The following IGF1R variants were observed in gnomAD, a reference collection of about 807,000 sequenced individuals.
IGF1R encodes insulin-like growth factor 1 receptor.
A neutral mutation model predicts 144.6 loss-of-function variants in IGF1R; 44 were observed. That is an observed-to-expected ratio of 0.30 (90% CI 0.24 to 0.39). The LOEUF (loss-of-function observed/expected upper bound fraction) is 0.39, where lower values mean the gene tolerates loss of function less well. Ranked by LOEUF, IGF1R falls within the 10% of genes least tolerant of loss-of-function variation. IGF1R has a pLI of 1.00. For missense variants in IGF1R, 1,355 were observed against 1,833.7 expected (o/e 0.74, Z 4.77); for synonymous variants, 795 against 722.8 (o/e 1.10, Z -1.60).
At chr15:98,767,774 T>C (rs1256650405) in intron 2 of IGF1R, among the ~76,000 whole-genome samples, 1 of 152,190 alleles carries the variant, frequency 6.6e-6, no homozygotes, top group Non-Finnish European at 1.5e-5. Context: ...GTGGGTATGG[T>C]GTCCCTGGCA....
At chr15:98,733,488 G>GC (rs2054541496) in intron 2 of IGF1R, among the ~76,000 whole-genome samples, 1 of 147,998 alleles carries the variant, frequency 6.8e-6, no homozygotes, top group Admixed American at 6.7e-5. Context: ...GGCTGAGAAG[G>GC]TTTTTTTTTT....
At chr15:98,753,224 T>G (rs1437678630) in intron 2 of IGF1R, among the ~76,000 whole-genome samples, 1 of 125,616 alleles carries the variant, frequency 8.0e-6, no homozygotes, top group African/African-American at 2.8e-5. Flanking sequence ...AGCCATTACG[T>G]CCAGCCTTTT....
chr15:98,923,734 T>TG (rs1371941549), intron 11 of IGF1R, 142 bp from the exon 12 acceptor site: 14 of 714,216 alleles, frequency 2.0e-5, no homozygotes, highest in Admixed American at 4.0e-5. Context: ...CCCGCGTGGA[T>TG]GGGGGCGTTA....
rs141625442 is a variant in IGF1R at position 98,891,276 on chromosome 15, G to A, written c.641-49G>A. On this transcript the variant is annotated intron_variant, in intron 2 of 20. Coordinates refer to ENST00000650285, the MANE Select transcript of IGF1R (RefSeq NM_000875.5). This position sits in a 1 kb window ranked among gnomAD's most constrained non-coding sequence, Gnocchi z 4.7. The stretch of plus-strand genomic sequence containing the variant: ...GATGCTGGCCAGGCCCAGAGAAGGC[G>A]GTGCCTCCCCTGCCCGGTCTCATCT... 4.1e-3 allele frequency: 6,441 copies of A among 1,561,324 alleles called. 20 individuals are homozygous for A. Among genetic ancestry groups the A allele is most frequent in the Non-Finnish European group, 5.0e-3 (5,709 of 1,147,784 alleles).
At chr15:98,915,169 T>A (rs895368128) in intron 8 of IGF1R, among the ~76,000 whole-genome samples, 2 of 152,240 alleles carry the variant, frequency 1.3e-5, no homozygotes, top group African/African-American at 4.8e-5. Context: ...TCAGTGGTTC[T>A]GGGATGCATT....
chr15:98,819,007 T>C (rs1297506136), intron 2 of IGF1R, among the ~76,000 whole-genome samples: 1 of 152,096 alleles, frequency 6.6e-6, no homozygotes, highest in African/African-American at 2.4e-5. Context: ...ATTCCTGAGC[T>C]GCAAAGGAGT....
intron 2 of IGF1R, among the ~76,000 whole-genome samples, chr15:98,871,273 G>A (rs948272725): frequency 6.6e-6 from 1 of 152,208 alleles, no homozygotes; most frequent in East Asian, 1.9e-4. Flanking sequence ...GCAGAACCTT[G>A]TTGAATAGAA....
chr15:98,923,110 C>G (rs1000547585), intron 11 of IGF1R, among the ~76,000 whole-genome samples: 4 of 152,226 alleles, frequency 2.6e-5, no homozygotes, highest in African/African-American at 9.6e-5. Context: ...GGCTCCCTGC[C>G]TCAGTTTCCT....
intron 1 of IGF1R, among the ~76,000 whole-genome samples, chr15:98,652,319 T>G (rs1404879706): frequency 1.3e-5 from 2 of 152,222 alleles, no homozygotes; most frequent in African/African-American, 4.8e-5. Context: ...CTTAAAAGGA[T>G]TCAGTCATCT....
At chr15:98,710,962 G>C (rs1223632961) in intron 2 of IGF1R, among the ~76,000 whole-genome samples, 4 of 152,164 alleles carry the variant, frequency 2.6e-5, no homozygotes, top group Non-Finnish European at 4.4e-5. Flanking sequence ...GAGCCACCAT[G>C]CCCGACTCTT....
chr15:98,837,216 C>T, intron 2 of IGF1R, among the ~76,000 whole-genome samples: 1 of 152,118 alleles, frequency 6.6e-6, no homozygotes, highest in East Asian at 1.9e-4. Flanking sequence ...TGCACCATCA[C>T]TAATTAGTGC....
chr15:98,658,396 C>T (rs1020463072), intron 1 of IGF1R, among the ~76,000 whole-genome samples: 2 of 152,122 alleles, frequency 1.3e-5, no homozygotes, highest in Non-Finnish European at 2.9e-5. Context: ...GATAGAAATG[C>T]GGAGACTTAA....
At chr15:98,886,259 A>G (rs2013635413) in intron 2 of IGF1R, among the ~76,000 whole-genome samples, 1 of 152,216 alleles carries the variant, frequency 6.6e-6, no homozygotes, top group Admixed American at 6.5e-5. Flanking sequence ...GAGAGAGTTA[A>G]AGGCTGATGT....
intron 2 of IGF1R, among the ~76,000 whole-genome samples, chr15:98,779,781 A>C (rs2055810140): frequency 6.6e-6 from 1 of 152,204 alleles, no homozygotes. Context: ...ACAGCCCTCC[A>C]GTAGAGGGCA....
At chr15:98,851,624 TG>T (rs2011532534) in intron 2 of IGF1R, among the ~76,000 whole-genome samples, 1 of 152,136 alleles carries the variant, frequency 6.6e-6, no homozygotes, top group South Asian at 2.1e-4. Context: ...CTGCCCAATT[TG>T]GGGAAGCAGC....
intron 11 of IGF1R, 29 bp from the exon 12 acceptor site, chr15:98,923,847 C>T: frequency 6.2e-7 from 1 of 1,611,124 alleles, no homozygotes; most frequent in Non-Finnish European, 8.5e-7. Flanking sequence ...AACCCAAATC[C>T]AACTTTGTCA....
At chr15:98,894,868 A>C in intron 3 of IGF1R, among the ~76,000 whole-genome samples, 1 of 152,200 alleles carries the variant, frequency 6.6e-6, no homozygotes, top group South Asian at 2.1e-4. Flanking sequence ...TAAAAATACA[A>C]AAATTAGCCG....
chr15:98,718,998 C>T (rs1265675763), intron 2 of IGF1R, among the ~76,000 whole-genome samples: 1 of 152,166 alleles, frequency 6.6e-6, no homozygotes, highest in African/African-American at 2.4e-5. Flanking sequence ...CTCTGAATGG[C>T]CCCTTCTGCT....
intron 2 of IGF1R, among the ~76,000 whole-genome samples, chr15:98,737,563 A>G (rs1298927249): frequency 6.6e-6 from 1 of 152,192 alleles, no homozygotes; most frequent in Non-Finnish European, 1.5e-5. Context: ...GTTCTCAGGT[A>G]TGTTTCTCAA....
Sources: allele counts gnomAD v4.1 joint callset (sites outside exome capture counted in the v4.1 genomes callset), GRCh38; gene constraint gnomAD v4.1.1; non-coding constraint Gnocchi (gnomAD v3.1); transcripts MANE v1.5; gene names NCBI Gene and HGNC (gene_info 2026-07-23, HGNC 2026-07-21).